Variants in ZFP62 observed in about 807,000 individuals in gnomAD.
ZFP62 encodes ZFP62 zinc finger protein, also known as zinc finger protein 62 homolog.
Under a neutral mutation model 56.4 loss-of-function variants are expected in ZFP62, and 44 were observed. That is an observed-to-expected ratio of 0.78 (90% CI 0.61 to 1.00). The LOEUF (loss-of-function observed/expected upper bound fraction) is 1.00, where lower values mean the gene tolerates loss of function less well. ZFP62 is among the 50% of genes least tolerant of loss of function. The probability of loss-of-function intolerance (pLI) is 0.00; values close to 1 mark genes in which losing one functional copy is unlikely to be tolerated. For synonymous variants in ZFP62, 421 were observed against 388.9 expected (o/e 1.08, Z -0.97); for missense variants, 1,030 against 1,085.7 (o/e 0.95, Z 0.72).
At chr5:180,844,501 C>G (rs1773372564), downstream of ZFP62, among the ~76,000 whole-genome samples, 2 of 152,320 alleles carry the variant, frequency 1.3e-5, no homozygotes. Flanking sequence ...TCTCACCAAC[C>G]CTTCCTACAG....
chr5:180,840,724 C>CT, the ZFP62 span, among the ~76,000 whole-genome samples: 1 of 151,706 alleles, frequency 6.6e-6, no homozygotes. Context: ...CCACTGCACT[C>CT]TATCTAGCCT....
At chr5:180,834,029 G>T in the ZFP62 span, among the ~76,000 whole-genome samples, 8 of 152,092 alleles carry the variant, frequency 5.3e-5, no homozygotes, top group African/African-American at 1.9e-4. Context: ...CTGAATGCTC[G>T]TCTGCCCCCA....
In ZFP62 at chr5:180,850,069, G is replaced by A. The variant is rs1773609778; in HGVS notation, c.1426C>T (p.Pro476Ser). Residue 476 changes from proline to serine, a missense_variant, in exon 2 of 2, where the codon CCA (proline) becomes TCA (serine). By Grantham distance (74) the Pro-to-Ser change is moderately conservative. Transcript: ENST00000502412. ...TTCCCACACACATCACACTTATATG[G>A]TTTTTCCCCAGTATGGAGCCTCCTG... The part of the protein sequence containing the change: ...VHRRLHTGEK[P>S]YKCDVCGKAY... 1 of 1,551,864 alleles carries A rather than the reference G, an allele frequency of 6.4e-7. No homozygotes were observed. The highest frequency in any genetic ancestry group is 1.4e-5 in the African/African-American group (1 of 73,164).
rs1773577837 is a variant in ZFP62 at position 180,849,692 on chromosome 5, G to T, written c.1803C>A (p.Tyr601Ter). Residue 601 changes from tyrosine to a stop codon, truncating the protein, a stop_gained, in exon 2 of 2, where the codon TAC becomes TAA. Coordinates refer to ENST00000502412, the MANE Select transcript of ZFP62 (RefSeq NM_001172638.2). LOFTEE classifies it high-confidence loss of function. ...CTTTTTTGTGGTTTGTAAGGGTTCG[G>T]TATGTGATGAAGGCCTTCTCACACT... ...CDECEKAFIT[Y>*]RTLTNHKKVH... The T allele has an allele frequency of 6.4e-7, 1 of 1,551,802 alleles. No individual in the cohort carries two copies. Among genetic ancestry groups the T allele is most frequent in the African/African-American group, 1.4e-5 (1 of 73,112 alleles).
intron 1 of ZFP62, among the ~76,000 whole-genome samples, chr5:180,857,933 G>A (rs1774075039): frequency 6.6e-6 from 1 of 151,768 alleles, no homozygotes. Flanking sequence ...CTGAATCCAA[G>A]TGATGGGTAT....
intron 1 of ZFP62, among the ~76,000 whole-genome samples, chr5:180,855,287 T>C (rs1182071496): frequency 6.6e-6 from 1 of 152,174 alleles, no homozygotes; most frequent in Non-Finnish European, 1.5e-5. Context: ...GTTTTTAAAG[T>C]ATCAGAAAGC....
chr5:180,830,758 G>C, the ZFP62 span: 1 of 152,386 alleles, frequency 6.6e-6, no homozygotes, highest in Non-Finnish European at 1.5e-5. Flanking sequence ...AGTAACAGCA[G>C]GTCTCCTTCA....
At chr5:180,842,117 T>C in the ZFP62 span, among the ~76,000 whole-genome samples, 1 of 152,086 alleles carries the variant, frequency 6.6e-6, no homozygotes, top group Non-Finnish European at 1.5e-5. Flanking sequence ...ACTCAATGGG[T>C]ATATTTAAGC....
At chr5:180,857,909 A>T (rs1774074314) in intron 1 of ZFP62, among the ~76,000 whole-genome samples, 1 of 152,034 alleles carries the variant, frequency 6.6e-6, no homozygotes, top group Non-Finnish European at 1.5e-5. Flanking sequence ...TAAACAGCAG[A>T]ATCCTGATAA....
At chr5:180,852,556 A>C (rs1358939752) in intron 1 of ZFP62, among the ~76,000 whole-genome samples, 1 of 9,288 alleles carries the variant, frequency 1.1e-4, no homozygotes, top group Non-Finnish European at 4.0e-4. Flanking sequence ...CCGTCTCACA[A>C]AAAAAAAAAA....
chr5:180,851,791 G>C (rs1411088234), intron 1 of ZFP62, among the ~76,000 whole-genome samples: 2 of 152,162 alleles, frequency 1.3e-5, no homozygotes, highest in Non-Finnish European at 2.9e-5. Flanking sequence ...ATGATGCACA[G>C]AACCATGGGC....
chr5:180,848,038 TC>T lies in ZFP62; in HGVS notation c.*753del. ...ATGTGTGAATACCACTTCCAGGTTA[TC>T]CCTCATCACAAATTCATCATTCATT... On this transcript the variant is annotated 3_prime_UTR_variant, in exon 2 of 2. Coordinates refer to ENST00000502412, the MANE Select transcript of ZFP62 (RefSeq NM_001172638.2). 2 of 985,446 alleles carry T rather than the reference TC, an allele frequency of 2.0e-6. No homozygotes were observed. The highest frequency in any genetic ancestry group is 9.4e-5 in the South Asian group (2 of 21,276). 61.0% of individuals were successfully genotyped at this position (985,446 alleles called of 1,614,324 possible).
In ZFP62 at chr5:180,848,490, C is replaced by T. The variant is rs554025614; in HGVS notation, c.*302G>A. On this transcript the variant is annotated 3_prime_UTR_variant, in exon 2 of 2. Coordinates refer to ENST00000502412, the MANE Select transcript of ZFP62 (RefSeq NM_001172638.2). ...TAACTTCTAATTGAAGCCCTTTCCT[C>T]ATCTGTGTTTTATGTCCAGAAATGT... 2.1e-5 allele frequency: 23 copies of T among 1,094,866 alleles called. No individual in the cohort carries two copies. The South Asian group carries it at 7.1e-4, about 34-fold the overall frequency. The allele number at this position is 1,094,866 out of a possible 1,614,324, so 67.8% of individuals were successfully genotyped here.
intron 1 of ZFP62, among the ~76,000 whole-genome samples, chr5:180,853,323 C>A (rs979193991): frequency 2.0e-5 from 3 of 152,186 alleles, no homozygotes; most frequent in African/African-American, 7.2e-5. Context: ...GAGTAATATA[C>A]ATGCTACGTT....
At chr5:180,859,766 G>A (rs979402630) in intron 1 of ZFP62, among the ~76,000 whole-genome samples, 1 of 152,166 alleles carries the variant, frequency 6.6e-6, no homozygotes, top group Non-Finnish European at 1.5e-5. Context: ...AACTACTTAC[G>A]TCTTATTTGT....
Position 180,849,368 on chromosome 5 carries a change from AG to A in ZFP62, c.2126del (p.Ala709ValfsTer9), listed in dbSNP as rs1561902157. ...TTATAAGAGTTCTGCTTGAGAAAAA[AG>A]CTTTTCCACATTCATCACATGTATG... is the stretch of plus-strand genomic sequence containing the variant. ...TPHTCDECGKAFFSSRTLISH... is the reference protein window; with the variant it reads ...TPHTCDECGKXFFSSRTLISH... On this transcript the variant is annotated frameshift_variant, in exon 2 of 2. Transcript: ENST00000502412. LOFTEE classifies it high-confidence loss of function. 6.4e-7 allele frequency: 1 copy of A among 1,551,034 alleles called. No individual in the cohort carries two copies. The highest frequency in any genetic ancestry group is 2.4e-5 in the East Asian group (1 of 40,834).
chr5:180,834,941 T>G, the ZFP62 span: 4 of 122,948 alleles, frequency 3.3e-5, no homozygotes, highest in South Asian at 2.7e-4. Flanking sequence ...AAGCTTGCTC[T>G]CTCTCTCTGC....
At chr5:180,845,878 C>G, downstream of ZFP62, 2 of 985,454 alleles carry the variant, frequency 2.0e-6, no homozygotes, top group Non-Finnish European at 2.4e-6. Context: ...TCTTCATACA[C>G]AAAACATGAA....
At chr5:180,843,022 G>A (rs181260412), downstream of ZFP62, among the ~76,000 whole-genome samples, 105 of 134,224 alleles carry the variant, frequency 7.8e-4, 3 homozygotes, top group East Asian at 0.022. Context: ...CAGCCTGGGT[G>A]ACAAAGCAAG....
Sources: allele counts gnomAD v4.1 joint callset (sites outside exome capture counted in the v4.1 genomes callset), GRCh38; gene constraint gnomAD v4.1.1; transcripts MANE v1.5; gene names NCBI Gene and HGNC (gene_info 2026-07-23, HGNC 2026-07-21).